Variants in PUS10 observed in about 807,000 individuals in gnomAD.
PUS10 encodes tRNA pseudouridine synthase Pus10.
PUS10 carries 59 observed loss-of-function variants against 75.0 expected under a neutral mutation model. The observed-to-expected ratio is 0.79, with a 90% confidence interval of 0.64 to 0.98. The LOEUF is 0.98. Among genes scored for constraint, PUS10 ranks in the 50% least tolerant of loss-of-function variants. PUS10 has a pLI of 0.00. For missense variants in PUS10, 650 were observed against 614.4 expected (o/e 1.06, Z -0.61); for synonymous variants, 219 against 211.6 (o/e 1.03, Z -0.30).
At position 60,971,537 on chromosome 2, in the gene PUS10, T is replaced by C; in HGVS notation, c.489A>G (p.Val163=). The C allele has an allele frequency of 6.2e-7, 1 of 1,613,868 alleles. No homozygotes were observed. The highest frequency in any genetic ancestry group is 8.5e-7 in the Non-Finnish European group (1 of 1,179,818). Residue 163 remains valine (V), a synonymous_variant, in exon 5 of 18, where the codon GTA becomes GTG. Coordinates refer to ENST00000316752, the MANE Select transcript of PUS10 (RefSeq NM_144709.4). ...SVREHAAWLL[V]KQEMGKQSLS... ...AAATTACTTACCCCATTTCCTGTTT[T>C]ACCAGCAACCATGCAGCATGCTGTA...
At chr2:61,015,483 A>T (rs908725477) in intron 1 of PUS10, among the ~76,000 whole-genome samples, 5 of 152,050 alleles carry the variant, frequency 3.3e-5, no homozygotes, top group African/African-American at 1.2e-4. Context: ...GAGGATCATG[A>T]GGTCAGGAGA....
At chr2:60,945,304 G>A (rs1011162168) in intron 16 of PUS10, among the ~76,000 whole-genome samples, 196 bp from the exon 17 acceptor site, 1 of 152,164 alleles carries the variant, frequency 6.6e-6, no homozygotes, top group South Asian at 2.1e-4. Flanking sequence ...CAGAGCCTGG[G>A]AAATGTGTTT....
intron 3 of PUS10, among the ~76,000 whole-genome samples, chr2:61,008,109 C>T (rs993130326): frequency 4.6e-5 from 7 of 152,042 alleles, no homozygotes; most frequent in East Asian, 3.9e-4. Flanking sequence ...TGGCCTTGGC[C>T]GGGTACAGTG....
chr2:60,959,275 C>T (rs141588949), intron 11 of PUS10, among the ~76,000 whole-genome samples: 1 of 152,232 alleles, frequency 6.6e-6, no homozygotes, highest in African/African-American at 2.4e-5. Flanking sequence ...TTAATTTCCT[C>T]ATATTCCCCC....
chr2:61,011,104 A>C (rs1679568606), intron 2 of PUS10, among the ~76,000 whole-genome samples: 1 of 152,210 alleles, frequency 6.6e-6, no homozygotes, highest in Non-Finnish European at 1.5e-5. Flanking sequence ...TTGTATACAT[A>C]CTGTTTATAA....
In PUS10 at chr2:60,944,374, A is replaced by G. The variant is rs185536455; in HGVS notation, c.1551+635T>C. 8.9e-5 allele frequency: 24 copies of G among 268,568 alleles called. 1 individual carries two copies. The East Asian group carries it at 2.6e-3, about 30-fold the overall frequency. The allele number at this position is 268,568 out of a possible 1,614,324, so 16.6% of individuals were successfully genotyped here. A position where few individuals can be genotyped will look rare whatever the true frequency, so the allele number is the denominator to read the frequency against. ...ATGCCCACTTCTTTCTATAACTTTG[A>G]TATTATTCCCAAGTACAAATCCCCA... is the stretch of plus-strand genomic sequence containing the variant. On this transcript the variant is annotated intron_variant, in intron 17 of 17. Coordinates refer to ENST00000316752, the MANE Select transcript of PUS10 (RefSeq NM_144709.4).
At chr2:60,974,112 C>T (rs996420048) in intron 4 of PUS10, among the ~76,000 whole-genome samples, 1 of 152,114 alleles carries the variant, frequency 6.6e-6, no homozygotes, top group East Asian at 1.9e-4. Flanking sequence ...ACTCTCTCTG[C>T]TGAGAGCTGA....
chr2:60,962,838 T>C lies in PUS10; in HGVS notation c.776A>G (p.Glu259Gly). 1 of 1,579,452 alleles carries C rather than the reference T, an allele frequency of 6.3e-7. No homozygotes were observed. The highest frequency in any genetic ancestry group is 8.6e-7 in the Non-Finnish European group (1 of 1,167,232). The change falls in exon 9 of 18, where the codon GAG (glutamate) becomes GGG (glycine). Residue 259 changes from glutamate to glycine, a missense_variant. By Grantham distance (98) the Glu-to-Gly change is moderately conservative (BLOSUM62 -2). Transcript: ENST00000316752. ...VMKALNKIKE[E>G]DFLKQFPCPP... is the part of the protein sequence containing the mutation. ...AACTTCTACTTACTTAAGGAAATCC[T>C]CTTCCTTTATCTTATTCAAGGCTTT...
chr2:60,944,138 A>AAG (rs938501384), intron 17 of PUS10: 1 of 801,654 alleles, frequency 1.2e-6, no homozygotes, highest in Non-Finnish European at 1.5e-6. Flanking sequence ...AAAAAAAAAA[A>AAG]AAGATGATGA....
intron 1 of PUS10, among the ~76,000 whole-genome samples, chr2:61,015,543 C>A (rs1191222800): frequency 6.6e-6 from 1 of 151,912 alleles, no homozygotes; most frequent in East Asian, 1.9e-4. Context: ...ACTAAAAATA[C>A]AAAAAATTAG....
intron 17 of PUS10, among the ~76,000 whole-genome samples, chr2:60,943,036 GA>G (rs1163561504): frequency 0.019 from 1,503 of 78,426 alleles, 45 homozygotes; most frequent in Admixed American, 0.12. Context: ...ATCTATCTCA[GA>G]AAAAAAAAAA....
At chr2:60,991,035 G>A (rs1431893704) in intron 4 of PUS10, among the ~76,000 whole-genome samples, 2 of 152,040 alleles carry the variant, frequency 1.3e-5, no homozygotes, top group Admixed American at 6.6e-5. Context: ...GAACAACCAT[G>A]CCTGGCCTAA....
intron 4 of PUS10, among the ~76,000 whole-genome samples, chr2:60,982,277 T>A (rs953683015): frequency 1.3e-5 from 2 of 152,056 alleles, no homozygotes; most frequent in Non-Finnish European, 2.9e-5. Context: ...TTATTTATTT[T>A]TTGGAGACAG....
At chr2:61,004,486 G>A (rs554995288) in intron 4 of PUS10, among the ~76,000 whole-genome samples, 5 of 152,038 alleles carry the variant, frequency 3.3e-5, no homozygotes, top group Admixed American at 6.6e-5. Flanking sequence ...AAAATTAGCC[G>A]GGCATGGTGG....
At chr2:60,971,218 T>A (rs1573433481) in intron 5 of PUS10, among the ~76,000 whole-genome samples, 1 of 151,772 alleles carries the variant, frequency 6.6e-6, no homozygotes, top group Non-Finnish European at 1.5e-5. Context: ...AATTTATTTT[T>A]AAAAAATAAC....
At chr2:60,991,429 G>T (rs1423194813) in intron 4 of PUS10, among the ~76,000 whole-genome samples, 1 of 152,156 alleles carries the variant, frequency 6.6e-6, no homozygotes, top group Non-Finnish European at 1.5e-5. Flanking sequence ...GTATTCCAAG[G>T]TCTTTGCATT....
intron 17 of PUS10, 67 bp downstream of exon 17, chr2:60,944,942 A>G: frequency 8.5e-7 from 1 of 1,174,986 alleles, no homozygotes; most frequent in South Asian, 1.2e-5. Context: ...AAATGGCTTA[A>G]TGCCAAAGAG....
chr2:61,018,072 TCGGGAGC>T lies in PUS10; in HGVS notation c.-87_-81del. 1 of 1,504,498 alleles carries T rather than the reference TCGGGAGC, an allele frequency of 6.6e-7. No homozygotes were observed. Among genetic ancestry groups the T allele is most frequent in the Admixed American group, 2.3e-5 (1 of 43,322 alleles). 93.2% of individuals were successfully genotyped at this position (1,504,498 alleles called of 1,614,324 possible). On this transcript the variant is annotated 5_prime_UTR_variant, in exon 1 of 18. Transcript: ENST00000316752. ...GCAGCTCTAATCAGCAACGTTTTTTTCGGGAGCTCCTGGGCGTCTCTCTGGGTCTCTG... is the reference window on the plus strand; with the variant it reads ...GCAGCTCTAATCAGCAACGTTTTTTTTCCTGGGCGTCTCTCTGGGTCTCTG...
At chr2:60,982,167 T>A (rs1254626057) in intron 4 of PUS10, among the ~76,000 whole-genome samples, 2 of 152,112 alleles carry the variant, frequency 1.3e-5, no homozygotes, top group Non-Finnish European at 2.9e-5. Context: ...CAGGACTGCC[T>A]GACTCCAGCA....
Sources: gnomAD v4.1 joint callset for allele counts (sites outside exome capture counted in the v4.1 genomes callset) on GRCh38, gnomAD v4.1.1 for gene constraint, MANE v1.5 for transcripts, NCBI Gene and HGNC (gene_info 2026-07-23, HGNC 2026-07-21) for gene names.